The following ROR1 variants were observed in gnomAD, a reference collection of about 807,000 sequenced individuals.
ROR1 encodes inactive tyrosine-protein kinase transmembrane receptor ROR1.
Under a neutral mutation model 78.8 loss-of-function variants are expected in ROR1, and 19 were observed. That is an observed-to-expected ratio of 0.24 (90% CI 0.17 to 0.35). The LOEUF is 0.35. ROR1 is among the 10% of genes least tolerant of loss of function. The pLI is 1.00. For missense variants in ROR1, 917 were observed against 1,177.8 expected (o/e 0.78, Z 3.24); for synonymous variants, 386 against 433.6 (o/e 0.89, Z 1.36).
At chr1:64,120,696 C>G (rs551650200) in intron 4 of ROR1, among the ~76,000 whole-genome samples, 2 of 152,270 alleles carry the variant, frequency 1.3e-5, no homozygotes, top group Non-Finnish European at 2.9e-5. Context: ...AACACTCACT[C>G]TCCTCCACCC....
intron 1 of ROR1, among the ~76,000 whole-genome samples, chr1:63,827,183 T>C (rs1644958955): frequency 1.3e-5 from 2 of 152,180 alleles, no homozygotes; most frequent in East Asian, 1.9e-4. Context: ...ATGCTGGATA[T>C]TAGACCTTTG....
At chr1:63,971,137 G>C (rs1398937617) in intron 1 of ROR1, among the ~76,000 whole-genome samples, 1 of 152,158 alleles carries the variant, frequency 6.6e-6, no homozygotes, top group Non-Finnish European at 1.5e-5. Flanking sequence ...CTGTTCATGA[G>C]AGACAGTATA....
intron 1 of ROR1, among the ~76,000 whole-genome samples, chr1:63,850,017 ATG>A (rs1389479337): frequency 1.3e-5 from 2 of 152,184 alleles, no homozygotes; most frequent in African/African-American, 4.8e-5. Flanking sequence ...TTTAAATGTG[ATG>A]TCTTTTCATT....
At chr1:63,925,323 T>A (rs1167987826) in intron 1 of ROR1, among the ~76,000 whole-genome samples, 1 of 151,388 alleles carries the variant, frequency 6.6e-6, no homozygotes, top group African/African-American at 2.4e-5. Context: ...TTCATCCATG[T>A]CCCTACAAAG....
intron 1 of ROR1, among the ~76,000 whole-genome samples, chr1:63,781,613 AG>A (rs1277020277): frequency 2.6e-5 from 4 of 152,184 alleles, no homozygotes; most frequent in Admixed American, 6.5e-5. Context: ...ATTAATTCTC[AG>A]GGGATTAGAG....
intron 4 of ROR1, among the ~76,000 whole-genome samples, chr1:64,089,216 ATT>A (rs11304354): frequency 1.3e-4 from 20 of 149,958 alleles, no homozygotes; most frequent in East Asian, 3.9e-4. Context: ...TCGAACCAGT[ATT>A]TTTTTTTTTG....
At position 63,797,200 on chromosome 1, in the gene ROR1, G is replaced by A. The variant is rs1339416865; in HGVS notation, c.91+22692G>A. ...TTCTAGGTGCCAGGCACTGTGCCTT[G>A]CAAAAAAGGACTTTGGGCATCTGTT... On this transcript the variant is annotated intron_variant, in intron 1 of 8. Transcript: ENST00000371079. Among the ~76,000 whole-genome samples the A allele has an allele frequency of 3.9e-5, 6 of 152,146 alleles. No individual in the cohort carries two copies. The East Asian group carries it at 1.2e-3, about 29-fold the overall frequency.
At chr1:63,917,870 G>A (rs1645621091) in intron 1 of ROR1, among the ~76,000 whole-genome samples, 1 of 152,184 alleles carries the variant, frequency 6.6e-6, no homozygotes. Context: ...CAGGCTCAGT[G>A]ATGTGGGTGA....
At chr1:63,778,442 G>A (rs1267544674) in intron 1 of ROR1, among the ~76,000 whole-genome samples, 1 of 152,174 alleles carries the variant, frequency 6.6e-6, no homozygotes, top group Non-Finnish European at 1.5e-5. Flanking sequence ...TTGAGTGTTG[G>A]TGGCTAGTTC....
In ROR1 at chr1:64,140,438, C is replaced by T; in HGVS notation, c.928+12C>T. ...TCCTATAAATAAAAGTAAGTGGTAGCCCCTGACCTTCTGTGCTCTTCTAAG... is the reference window on the plus strand; with the variant it reads ...TCCTATAAATAAAAGTAAGTGGTAGTCCCTGACCTTCTGTGCTCTTCTAAG... On this transcript the variant is annotated intron_variant, in intron 6 of 8. Coordinates refer to ENST00000371079, the MANE Select transcript of ROR1 (RefSeq NM_005012.4). 1 of 1,610,086 alleles carries T rather than the reference C, an allele frequency of 6.2e-7. No individual in the cohort carries two copies. Among genetic ancestry groups the T allele is most frequent in the Non-Finnish European group, 8.5e-7 (1 of 1,177,028 alleles).
chr1:64,001,445 C>T (rs1169729861), intron 1 of ROR1, among the ~76,000 whole-genome samples: 2 of 152,150 alleles, frequency 1.3e-5, no homozygotes, highest in African/African-American at 2.4e-5. Context: ...CTCGAATCTA[C>T]GCTTGCAATG....
At chr1:63,893,908 CT>C (rs1166584744) in intron 1 of ROR1, among the ~76,000 whole-genome samples, 3 of 152,098 alleles carry the variant, frequency 2.0e-5, no homozygotes, top group Admixed American at 6.5e-5. Context: ...TTCATTTTTA[CT>C]GTAGATCTTA....
chr1:64,140,175 C>G lies in ROR1; in HGVS notation c.677C>G (p.Ser226Cys). ...SDKCSQFAIP[S>C]LCHYAFPYCD... ...AAGTGTTCTCAGTTCGCCATTCCTT[C>G]CCTGTGCCACTATGCCTTCCCGTAC... The change falls in exon 6 of 9, where the codon TCC becomes TGC. Residue 226 changes from serine (S) to cysteine (C), a missense_variant. Around this residue, in one of 3 missense-constraint regions of ROR1, gnomAD observed 835 missense variants for 1,069.8 expected, o/e 0.78. Coordinates refer to ENST00000371079, the MANE Select transcript of ROR1 (RefSeq NM_005012.4). 3 of 1,614,162 alleles carry G rather than the reference C, an allele frequency of 1.9e-6. No homozygotes were observed. In the East Asian group the frequency reaches 6.7e-5, roughly 36 times the overall value.
chr1:63,901,520 C>T (rs1448844356), intron 1 of ROR1, among the ~76,000 whole-genome samples: 2 of 151,888 alleles, frequency 1.3e-5, no homozygotes, highest in East Asian at 1.9e-4. Context: ...AGTATAAGTT[C>T]ATCTCACTTT....
chr1:64,119,835 C>T (rs1648463033), intron 4 of ROR1, among the ~76,000 whole-genome samples: 1 of 152,094 alleles, frequency 6.6e-6, no homozygotes, highest in Admixed American at 6.6e-5. Flanking sequence ...TTTAAGGCCA[C>T]ATGGGTAAGA....
chr1:63,793,092 A>G (rs942542880), intron 1 of ROR1, among the ~76,000 whole-genome samples: 1 of 152,218 alleles, frequency 6.6e-6, no homozygotes, highest in African/African-American at 2.4e-5. Flanking sequence ...CTGCCCTTTA[A>G]AATTATTCTA....
At chr1:63,887,392 T>C (rs1645364563) in intron 1 of ROR1, among the ~76,000 whole-genome samples, 2 of 152,206 alleles carry the variant, frequency 1.3e-5, no homozygotes, top group African/African-American at 4.8e-5. Context: ...GTTTACTTTA[T>C]TCTTGCTGTT....
chr1:64,167,044 G>A (rs1300010182), intron 8 of ROR1, among the ~76,000 whole-genome samples: 1 of 152,130 alleles, frequency 6.6e-6, no homozygotes, highest in Non-Finnish European at 1.5e-5. Context: ...GAAAACTGAG[G>A]CTTCAGATTC....
intron 4 of ROR1, among the ~76,000 whole-genome samples, chr1:64,122,432 C>G (rs1648574191): frequency 6.6e-6 from 1 of 152,132 alleles, no homozygotes; most frequent in Admixed American, 6.6e-5. Flanking sequence ...CTGTGGTTCC[C>G]CATTTTGATG....
Sources: gnomAD v4.1 joint callset for allele counts (sites outside exome capture counted in the v4.1 genomes callset) on GRCh38, gnomAD v4.1.1 for gene constraint, gnomAD v4.1.1 regional missense constraint, MANE v1.5 for transcripts, NCBI Gene and HGNC (gene_info 2026-07-23, HGNC 2026-07-21) for gene names.